The following CENATAC variants were observed in gnomAD, a reference collection of about 807,000 sequenced individuals.
The protein encoded by CENATAC is coiled-coil domain containing 84.
CENATAC carries 53 observed loss-of-function variants against 53.7 expected under a neutral mutation model. The observed-to-expected ratio is 0.99, with a 90% CI of 0.79 to 1.24. The LOEUF is 1.24. Among genes scored for constraint, CENATAC ranks in the 50% most tolerant of loss-of-function variants. The pLI is 0.00. For synonymous variants in CENATAC, 156 were observed against 144.6 expected, an observed-to-expected ratio of 1.08 and a Z score of -0.57; for missense variants, 474 against 417.8, an observed-to-expected ratio of 1.13 and a Z score of -1.17.
intron 3 of CENATAC, among the ~76,000 whole-genome samples, chr11:119,005,074 A>AG (rs138397045): frequency 0.019 from 1,483 of 78,372 alleles, 27 homozygotes; most frequent in African/African-American, 0.091. Context: ...AAACAGCAAG[A>AG]AAAAAAAAGC....
At chr11:119,005,310 C>CA (rs1942531418) in intron 3 of CENATAC, among the ~76,000 whole-genome samples, 1 of 151,526 alleles carries the variant, frequency 6.6e-6, no homozygotes, top group Admixed American at 6.6e-5. Flanking sequence ...ACTAAATATA[C>CA]AAAAAATTAC....
At chr11:118,998,863 G>A in intron 2 of CENATAC, 148 bp from the exon 3 acceptor site, 2 of 702,214 alleles carry the variant, frequency 2.8e-6, no homozygotes, top group South Asian at 1.9e-5. Flanking sequence ...AGAGACACGA[G>A]ATCTTGAAGA....
In CENATAC at chr11:119,000,986, A is replaced by G. The variant is rs563057630; in HGVS notation, c.383+1877A>G. 1.3e-3 allele frequency among the ~76,000 whole-genome samples: 205 copies of G among 152,256 alleles called. 1 individual carries two copies. The highest frequency in any genetic ancestry group is 2.5e-3 in the Non-Finnish European group (169 of 68,020). ...AGCTGTAGATCCTAATCTACAGTAC[A>G]TATCAAACAATTCAGCTTTTTCTTG... On this transcript the variant is annotated intron_variant, in intron 3 of 10. Coordinates refer to ENST00000334418, the MANE Select transcript of CENATAC (RefSeq NM_198489.3).
intron 8 of CENATAC, 129 bp from the exon 9 acceptor site, chr11:119,014,865 A>G (rs543887995): frequency 1.6e-6 from 1 of 609,092 alleles, no homozygotes; most frequent in Non-Finnish European, 2.8e-6. Flanking sequence ...CTAAAGCTCC[A>G]GAATTCCTGG....
In CENATAC at chr11:119,013,252, C is replaced by T. The variant is rs142155810; in HGVS notation, c.705C>T (p.Asn235=). The change falls in exon 8 of 11, where the codon AAC becomes AAT. Residue 235 remains asparagine (N), a synonymous_variant. Coordinates refer to ENST00000334418, the MANE Select transcript of CENATAC (RefSeq NM_198489.3). ...TACAGGATATACCAGGAGTTGGTAA[C>T]ATCCACTCAGGTAAGGTCCAGGGCA... ...IGHQDIPGVG[N]IHSGATPPWM... 153 of 1,609,840 alleles carry T rather than the reference C, an allele frequency of 9.5e-5. No homozygotes were observed. The highest frequency in any genetic ancestry group is 1.2e-4 in the Non-Finnish European group (145 of 1,178,114).
chr11:119,009,712 A>G lies in CENATAC; in HGVS notation c.384-1052A>G, dbSNP rs562844617. ...TGGATATATTCAAGGCTCTCAGGGA[A>G]CACTGTTGATAGTGGTATTGGTATT... On this transcript the variant is annotated intron_variant, in intron 3 of 10. Coordinates refer to ENST00000334418, the MANE Select transcript of CENATAC (RefSeq NM_198489.3). 2.6e-5 allele frequency: 4 copies of G among 152,324 alleles called. No individual in the cohort carries two copies. In the East Asian group the frequency reaches 7.7e-4, roughly 29 times the overall value. The allele number at this position is 152,324 out of a possible 1,614,324, so 9.4% of individuals were successfully genotyped here. A position where few individuals can be genotyped will look rare whatever the true frequency, so the allele number is the denominator to read the frequency against.
chr11:119,003,377 T>C (rs1007550084), intron 3 of CENATAC: 2 of 527,992 alleles, frequency 3.8e-6, no homozygotes, highest in East Asian at 1.0e-4. Flanking sequence ...CAACACTGCC[T>C]TCTTGGCCTT....
intron 9 of CENATAC, 36 bp from the exon 10 acceptor site, chr11:119,015,271 A>G (rs782782241): frequency 3.8e-6 from 6 of 1,570,844 alleles, no homozygotes; most frequent in African/African-American, 1.4e-5. Context: ...ATATTCTTCA[A>G]TAAAGAAAAA....
rs148586126 is a variant in CENATAC at position 119,008,090 on chromosome 11, A to T, written c.384-2674A>T. ...CTAAGTGGCTTTTTTGTTGTTTTTA[A>T]ATTTTACTTATTGAAGGGGTGGCCT... On this transcript the variant is annotated intron_variant, in intron 3 of 10. Transcript: ENST00000334418. 6.6e-4 allele frequency among the ~76,000 whole-genome samples: 99 copies of T among 150,262 alleles called. 1 individual carries two copies. The East Asian group carries it at 0.017, about 26-fold the overall frequency.
chr11:119,015,642 C>G lies in CENATAC; in HGVS notation c.*44C>G, dbSNP rs782623092. On this transcript the variant is annotated 3_prime_UTR_variant, in exon 11 of 11. Coordinates refer to ENST00000334418, the MANE Select transcript of CENATAC (RefSeq NM_198489.3). ...ACCATGAGGCTAAAAGCAAAGTCAA[C>G]AAACCCCTATTATACCTTCCACCAA... 1.9e-6 allele frequency: 3 copies of G among 1,591,174 alleles called. No homozygotes were observed. Among genetic ancestry groups the G allele is most frequent in the Non-Finnish European group, 2.6e-6 (3 of 1,159,634 alleles).
rs200584267 is a variant in CENATAC at position 119,011,253 on chromosome 11, C to G, written c.483C>G (p.Ser161Arg). 6.2e-7 allele frequency: 1 copy of G among 1,614,106 alleles called. No homozygotes were observed. The highest frequency in any genetic ancestry group is 8.5e-7 in the Non-Finnish European group (1 of 1,179,976). The stretch of plus-strand genomic sequence containing the variant: ...CTCAGATCCGTGAGGTGGAGCAGAG[C>G]CGACAGGAGGTGGTTCGGTCTGTCT... Reference protein sequence around the residue: ...MAAQIREVEQSRQEVVRSVLE... With the variant: ...MAAQIREVEQRRQEVVRSVLE... The change falls in exon 5 of 11, where the codon AGC becomes AGG. Residue 161 changes from serine to arginine, a missense_variant. Coordinates refer to ENST00000334418, the MANE Select transcript of CENATAC (RefSeq NM_198489.3).
intron 3 of CENATAC, among the ~76,000 whole-genome samples, chr11:119,005,382 C>T (rs112082310): frequency 1.3e-5 from 2 of 151,320 alleles, no homozygotes; most frequent in African/African-American, 4.9e-5. Context: ...AGGAGAATGG[C>T]GTGAACCCAG....
Position 119,015,649 on chromosome 11 carries a change from C to G in CENATAC, c.*51C>G, listed in dbSNP as rs1466064478. 3.2e-6 allele frequency: 5 copies of G among 1,547,044 alleles called. No individual in the cohort carries two copies. In the East Asian group the frequency reaches 6.8e-5, roughly 21 times the overall value. ...GGCTAAAAGCAAAGTCAACAAACCC[C>G]TATTATACCTTCCACCAAATTCTTT... On this transcript the variant is annotated 3_prime_UTR_variant, in exon 11 of 11. Coordinates refer to ENST00000334418, the MANE Select transcript of CENATAC (RefSeq NM_198489.3).
intron 8 of CENATAC, among the ~76,000 whole-genome samples, chr11:119,013,762 CTTTT>C (rs561450474): frequency 6.4e-5 from 9 of 141,074 alleles, no homozygotes; most frequent in South Asian, 2.3e-4. Context: ...CGTGCCCGGA[CTTTT>C]TTTTTTTTTT....
At chr11:119,011,067 C>T in intron 4 of CENATAC, 154 bp from the exon 5 acceptor site, 1 of 672,648 alleles carries the variant, frequency 1.5e-6, no homozygotes, top group African/African-American at 1.8e-5. Flanking sequence ...CTGACAGGAG[C>T]TCAGGCGGCA....
At position 119,003,170 on chromosome 11, in the gene CENATAC, C is replaced by G; in HGVS notation, c.383+4061C>G. The stretch of plus-strand genomic sequence containing the variant: ...GCTGTGGCTTAACATTCACAGTGAA[C>G]ACAAGTGCGTGTGTCTTCTGTCTTC... On this transcript the variant is annotated intron_variant, in intron 3 of 10. Transcript: ENST00000334418. 3 of 381,250 alleles carry G rather than the reference C, an allele frequency of 7.9e-6. No individual in the cohort carries two copies. In the Admixed American group the frequency reaches 8.3e-5, roughly 11 times the overall value. 23.6% of individuals were successfully genotyped at this position (381,250 alleles called of 1,614,324 possible).
intron 7 of CENATAC, chr11:119,012,904 C>G: frequency 3.7e-6 from 1 of 268,568 alleles, no homozygotes; most frequent in Non-Finnish European, 7.0e-6. Context: ...TGTAAAGTTG[C>G]AAATGTAATT....
chr11:119,004,452 T>C (rs1337597200), intron 3 of CENATAC: 1 of 152,224 alleles, frequency 6.6e-6, no homozygotes, highest in Non-Finnish European at 1.5e-5. Flanking sequence ...TTCACCATAT[T>C]GGCCATGCTG....
intron 3 of CENATAC, chr11:119,006,084 T>A (rs930690805): frequency 1.0e-4 from 13 of 123,970 alleles, no homozygotes; most frequent in Admixed American, 3.2e-4. Context: ...GATTTTTTTT[T>A]TTTTTTTTTT....
Sources: allele counts gnomAD v4.1 joint callset (sites outside exome capture counted in the v4.1 genomes callset), GRCh38; gene constraint gnomAD v4.1.1; transcripts MANE v1.5; gene names NCBI Gene and HGNC (gene_info 2026-07-23, HGNC 2026-07-21).